ARHGAP30: variants seen among roughly 807,000 people sequenced by gnomAD.
ARHGAP30 encodes the protein Rho GTPase activating protein 30.
Under a neutral mutation model 72.0 loss-of-function variants are expected in ARHGAP30, and 23 were observed. The observed-to-expected ratio is 0.32, with a 90% CI of 0.23 to 0.45. ARHGAP30 has a LOEUF of 0.45. ARHGAP30 is among the 20% of genes least tolerant of loss of function. The probability of loss-of-function intolerance (pLI) is 1.00; values close to 1 mark genes in which losing one functional copy is unlikely to be tolerated. For synonymous variants in ARHGAP30, 576 were observed against 528.2 expected (o/e 1.09, Z -1.24); for missense variants, 1,319 against 1,383.4 (o/e 0.95, Z 0.74).
rs1313702767 is a variant in ARHGAP30, at chr1:161,048,119, G to T, written c.2902C>A (p.Pro968Thr). The stretch of plus-strand genomic sequence containing the variant: ...CCAGGAGTCCCATCAAGCCGGCCAG[G>T]CCTCGGGCATGGATTTGCAGGTGCC... The part of the protein sequence containing the change: ...HVAPANPCPR[P>T]GRLDGTPGER... The change falls in exon 12 of 12, where the codon CCT becomes ACT. Residue 968 changes from proline (P) to threonine (T), a missense_variant. By Grantham distance (38) the Pro-to-Thr change is conservative. Around this residue, in one of 2 missense-constraint regions of ARHGAP30, gnomAD observed 1,097 missense variants for 1,045.2 expected, o/e 1.05. Coordinates refer to ENST00000368013, the MANE Select transcript of ARHGAP30 (RefSeq NM_001025598.2). 1.9e-6 allele frequency: 3 copies of T among 1,614,070 alleles called. No homozygotes were observed. Among genetic ancestry groups the T allele is most frequent in the Middle Eastern group, 1.6e-4 (1 of 6,084 alleles).
At chr1:161,051,853 T>G in intron 9 of ARHGAP30, 138 bp from the exon 10 acceptor site, 1 of 1,429,002 alleles carries the variant, frequency 7.0e-7, no homozygotes, top group Non-Finnish European at 9.1e-7. Context: ...CAGGCCCAGC[T>G]TCTTTTGATC....
In ARHGAP30 at chr1:161,059,650, C is replaced by T. The variant is rs757669760; in HGVS notation, c.164G>A (p.Arg55His). 3 of 1,613,652 alleles carry T rather than the reference C, an allele frequency of 1.9e-6. No homozygotes were observed. The highest frequency in any genetic ancestry group is 1.7e-6 in the Non-Finnish European group (2 of 1,179,762). ...EEYGVVDGIY[R>H]LSGVSSNIQK... ...GATGTTGGAGGAGACCCCTGAGAGG[C>T]GGTAGATCCCATCCACCACTCCATA... Residue 55 changes from arginine (R) to histidine (H), a missense_variant, in exon 2 of 12, where the codon CGC (arginine) becomes CAC (histidine). Arg to His is a conservative substitution (Grantham distance 29). Transcript: ENST00000368013.
At chr1:161,056,604 A>G in intron 2 of ARHGAP30, 72 bp from the exon 3 acceptor site, 1 of 1,531,366 alleles carries the variant, frequency 6.5e-7, no homozygotes, top group Admixed American at 1.8e-5. Context: ...CCCTATAGAG[A>G]TGGGTCCCGG....
At chr1:161,059,339 T>A (rs6704374) in intron 2 of ARHGAP30, among the ~76,000 whole-genome samples, 2 of 84,292 alleles carry the variant, frequency 2.4e-5, no homozygotes, top group Admixed American at 2.6e-4. Context: ...CAAGTTTTTT[T>A]TTTTTTTTTT....
At chr1:161,052,233 C>T (rs957327055) in intron 9 of ARHGAP30, 53 bp downstream of exon 9, 188 of 1,596,818 alleles carry the variant, frequency 1.2e-4, no homozygotes, top group Non-Finnish European at 1.5e-4. Context: ...CACAAGCCCA[C>T]GCTGGTCACA....
Position 161,056,369 on chromosome 1 carries a change from C to A in ARHGAP30, c.345+19G>T. On this transcript the variant is annotated intron_variant, in intron 3 of 11. Transcript: ENST00000368013. ...CCACCCCTGAGCCCTGTCTTCCACC[C>A]CTCGGCCTCTCAACTCACAGCAAAC... The A allele has an allele frequency of 6.2e-7, 1 of 1,611,972 alleles. No individual in the cohort carries two copies. The highest frequency in any genetic ancestry group is 8.5e-7 in the Non-Finnish European group (1 of 1,179,116).
rs1553219780 is a variant in ARHGAP30 at position 161,064,779 on chromosome 1, A to AAAG, written c.97+4748_97+4749insCTT. 3.8e-3 allele frequency among the ~76,000 whole-genome samples: 376 copies of AAAG among 98,144 alleles called. 3 individuals carry two copies. Among genetic ancestry groups the AAAG allele is most frequent in the South Asian group, 0.038 (111 of 2,916 alleles). The allele number at this position is 98,144 out of a possible 152,430, so 64.4% of individuals were successfully genotyped here. On this transcript the variant is annotated intron_variant, in intron 1 of 11. Coordinates refer to ENST00000368013, the MANE Select transcript of ARHGAP30 (RefSeq NM_001025598.2). ...AGAAAGAGAAAGAAAGAAAGAAAGA[A>AAAG]AAAGAAAGAAAGAAAGAAAGAAAGA...
chr1:161,059,770 A>T (rs1652179504), intron 1 of ARHGAP30, 54 bp from the exon 2 acceptor site: 2 of 1,471,344 alleles, frequency 1.4e-6, no homozygotes, highest in African/African-American at 2.8e-5. Context: ...GGGTGGTCAA[A>T]GACTGCACTG....
At chr1:161,064,837 GAA>G (rs1491212607) in intron 1 of ARHGAP30, among the ~76,000 whole-genome samples, 4 of 99,454 alleles carry the variant, frequency 4.0e-5, no homozygotes, top group Non-Finnish European at 5.7e-5. Flanking sequence ...GAAAGAGAAA[GAA>G]AGAAAGAAAG....
rs764444267 is a variant in ARHGAP30, at chr1:161,047,977, A to G, written c.3044T>C (p.Val1015Ala). 12 of 1,613,952 alleles carry G rather than the reference A, an allele frequency of 7.4e-6. No homozygotes were observed. The highest frequency in any genetic ancestry group is 1.3e-5 in the African/African-American group (1 of 74,882). ...RDRQRTEAQG[V>A]RRTQTCTEGG... ...CTCAGTACAGGTCTGGGTTCGCCGA[A>G]CTCCTTGAGCCTCAGTCCTTTGGCG... Residue 1015 changes from valine (V) to alanine (A), a missense_variant, in exon 12 of 12, where the codon GTT (valine) becomes GCT (alanine). Physicochemically the swap from Val to Ala is moderately conservative, Grantham distance 64. This residue lies in a region of ARHGAP30 where 1,097 missense variants were observed against 1,045.2 expected (regional missense o/e 1.05). Coordinates refer to ENST00000368013, the MANE Select transcript of ARHGAP30 (RefSeq NM_001025598.2).
chr1:161,062,707 G>A (rs1652404173), intron 1 of ARHGAP30, among the ~76,000 whole-genome samples: 1 of 151,514 alleles, frequency 6.6e-6, no homozygotes, highest in African/African-American at 2.4e-5. Flanking sequence ...CCAGCCTGGG[G>A]GACAGAGTGA....
chr1:161,055,938 AT>A (rs11345050), intron 3 of ARHGAP30, among the ~76,000 whole-genome samples: 21,402 of 123,774 alleles, frequency 0.17, 4,813 homozygotes, highest in African/African-American at 0.47. Context: ...AATAAAATAA[AT>A]ATAAAATAAA....
At chr1:161,064,827 GAAAGA>G (rs1557935323) in intron 1 of ARHGAP30, among the ~76,000 whole-genome samples, 99 of 67,078 alleles carry the variant, frequency 1.5e-3, no homozygotes, top group African/African-American at 7.8e-3. Context: ...AAGAAAGAAA[GAAAGA>G]GAAAGAAAGA....
chr1:161,064,807 GAAAGAAAGAAAGAAAGAAAGAAAGAGAA>G (rs1224286427), intron 1 of ARHGAP30, among the ~76,000 whole-genome samples: 4 of 65,826 alleles, frequency 6.1e-5, no homozygotes, highest in East Asian at 3.8e-4. Flanking sequence ...AAGAAAGAAA[GAAAGAAAGAAAGAAAGAAAGAAAGAGAA>G]AGAAAGAAAG....
At chr1:161,067,366 T>C (rs1246874121) in intron 1 of ARHGAP30, among the ~76,000 whole-genome samples, 1 of 152,034 alleles carries the variant, frequency 6.6e-6, no homozygotes, top group African/African-American at 2.4e-5. Context: ...AGGTCAGTGT[T>C]CGAGACCAGC....
chr1:161,056,494 C>G lies in ARHGAP30; in HGVS notation c.239G>C (p.Arg80Pro). ...FESERKPDLRRDVYLQDIHCV... is the reference protein window; with the variant it reads ...FESERKPDLRPDVYLQDIHCV... ...GTGAATGTCTTGGAGGTAAACATCC[C>G]GACGCAGGTCTGGCTTCCGCTCTGA... Residue 80 changes from arginine to proline, a missense_variant, in exon 3 of 12, where the codon CGG becomes CCG. Transcript: ENST00000368013. 6.2e-7 allele frequency: 1 copy of G among 1,613,934 alleles called. No homozygotes were observed. The highest frequency in any genetic ancestry group is 8.5e-7 in the Non-Finnish European group (1 of 1,179,982).
At chr1:161,054,999 C>T (rs185945565) in intron 3 of ARHGAP30, among the ~76,000 whole-genome samples, 11 of 152,270 alleles carry the variant, frequency 7.2e-5, no homozygotes, top group African/African-American at 2.6e-4. Context: ...TGGCGCCACC[C>T]TGTGGGTGCC....
At chr1:161,067,296 G>T (rs751866153) in intron 1 of ARHGAP30, among the ~76,000 whole-genome samples, 1 of 152,198 alleles carries the variant, frequency 6.6e-6, no homozygotes, top group Non-Finnish European at 1.5e-5. Flanking sequence ...CAATCGGCCA[G>T]GTGCGGTGGC....
At chr1:161,065,504 T>C (rs1480211612) in intron 1 of ARHGAP30, among the ~76,000 whole-genome samples, 1 of 152,208 alleles carries the variant, frequency 6.6e-6, no homozygotes, top group Non-Finnish European at 1.5e-5. Flanking sequence ...AAGAAAATAA[T>C]CAATAAATTC....
Sources: allele counts gnomAD v4.1 joint callset (sites outside exome capture counted in the v4.1 genomes callset), GRCh38; gene constraint gnomAD v4.1.1; regional missense constraint gnomAD v4.1.1; transcripts MANE v1.5; gene names NCBI Gene and HGNC (gene_info 2026-07-23, HGNC 2026-07-21).